The following ACADL variants were observed in gnomAD, a reference collection of about 807,000 sequenced individuals.
The protein encoded by ACADL is acyl-CoA dehydrogenase long chain.
A neutral mutation model predicts 56.9 loss-of-function variants in ACADL; 60 were observed. That is an observed-to-expected ratio of 1.05 (90% CI 0.86 to 1.31). The LOEUF is 1.31. Among genes scored for constraint, ACADL ranks in the 50% most tolerant of loss-of-function variants. ACADL has a pLI of 0.00. For synonymous variants in ACADL, 158 were observed against 179.7 expected, an observed-to-expected ratio of 0.88 and a Z score of 0.97; for missense variants, 484 against 525.5, an observed-to-expected ratio of 0.92 and a Z score of 0.77.
At chr2:210,193,796 C>G (rs1391602677) in intron 9 of ACADL, among the ~76,000 whole-genome samples, 2 of 152,060 alleles carry the variant, frequency 1.3e-5, no homozygotes, top group Non-Finnish European at 2.9e-5. Context: ...CTCAGCTTCT[C>G]AAGTAGGAGT....
chr2:210,193,702 C>T (rs756382078), intron 9 of ACADL, among the ~76,000 whole-genome samples: 1 of 151,788 alleles, frequency 6.6e-6, no homozygotes, highest in Non-Finnish European at 1.5e-5. Flanking sequence ...GAGTCTCACC[C>T]ACTCTAGGGC....
intron 8 of ACADL, among the ~76,000 whole-genome samples, chr2:210,203,012 A>T (rs761707952): frequency 1.3e-4 from 20 of 152,190 alleles, no homozygotes; most frequent in Non-Finnish European, 1.9e-4. Flanking sequence ...CTTTCCTTCC[A>T]GCTTCTGTGA....
chr2:210,194,384 A>G (rs1688677161), intron 9 of ACADL, among the ~76,000 whole-genome samples: 1 of 152,272 alleles, frequency 6.6e-6, no homozygotes, highest in Non-Finnish European at 1.5e-5. Context: ...AATGACAGGA[A>G]TTTATTCTAA....
intron 5 of ACADL, among the ~76,000 whole-genome samples, chr2:210,206,186 C>A (rs887589112): frequency 2.0e-5 from 3 of 151,966 alleles, no homozygotes; most frequent in Non-Finnish European, 4.4e-5. Context: ...ACCTGTAACC[C>A]CAGCACTTTG....
At chr2:210,224,347 GA>G in intron 1 of ACADL, 2 of 976,968 alleles carry the variant, frequency 2.0e-6, no homozygotes, top group Non-Finnish European at 2.4e-6. Context: ...ATCTCCCCAG[GA>G]AAAGTAGGCA....
At chr2:210,192,476 C>T (rs537254987) in intron 10 of ACADL, among the ~76,000 whole-genome samples, 12 of 151,814 alleles carry the variant, frequency 7.9e-5, no homozygotes, top group African/African-American at 2.2e-4. Flanking sequence ...GGTGACAGAG[C>T]GAGACTGTCT....
intron 8 of ACADL, among the ~76,000 whole-genome samples, chr2:210,198,570 TAGGAAAAGA>T (rs912114745): frequency 1.1e-4 from 16 of 151,884 alleles, no homozygotes; most frequent in African/African-American, 2.7e-4. Context: ...GTGAAGGAAA[TAGGAAAAGA>T]AAAAAGGCCC....
In ACADL at chr2:210,187,951, A is replaced by G. The variant is rs1688573273; in HGVS notation, c.*1010T>C. The G allele has an allele frequency of 6.6e-6, 1 of 152,128 alleles. No homozygotes were observed. Among genetic ancestry groups the G allele is most frequent in the Admixed American group, 6.5e-5 (1 of 15,268 alleles). 9.4% of individuals were successfully genotyped at this position (152,128 alleles called of 1,614,324 possible). A position where few individuals can be genotyped will look rare whatever the true frequency, so the allele number is the denominator to read the frequency against. ...TTTAAATTAATGGTTTATTTTTTGT[A>G]ATTACTTTTAAGTCTTAAATCAAAT... is the stretch of plus-strand genomic sequence containing the variant. On this transcript the variant is annotated 3_prime_UTR_variant, in exon 11 of 11. Transcript: ENST00000233710.
At chr2:210,210,679 C>T (rs573190398) in intron 4 of ACADL, among the ~76,000 whole-genome samples, 2 of 152,292 alleles carry the variant, frequency 1.3e-5, no homozygotes, top group South Asian at 2.1e-4. Flanking sequence ...GGCATGGTGG[C>T]TCATGCCTAT....
chr2:210,224,954 C>G (rs1433129712), intron 1 of ACADL: 5 of 1,352,356 alleles, frequency 3.7e-6, no homozygotes, highest in Non-Finnish European at 3.8e-6. Context: ...GTGGGCTCGG[C>G]GGTCTGTTCT....
chr2:210,224,950 T>C (rs777679619), intron 1 of ACADL: 23 of 1,351,064 alleles, frequency 1.7e-5, no homozygotes, highest in Admixed American at 3.9e-5. Flanking sequence ...CGACGTGGGC[T>C]CGGCGGTCTG....
intron 8 of ACADL, among the ~76,000 whole-genome samples, chr2:210,200,009 T>G (rs1688768637): frequency 6.6e-6 from 1 of 152,168 alleles, no homozygotes; most frequent in Non-Finnish European, 1.5e-5. Context: ...CCTCCCAACG[T>G]GCTGGGATTA....
chr2:210,204,280 A>G (rs561434282), intron 7 of ACADL, among the ~76,000 whole-genome samples: 133 of 152,348 alleles, frequency 8.7e-4, no homozygotes, highest in African/African-American at 3.1e-3. Context: ...ACAAAGAGCT[A>G]AAAGTTTTTG....
rs1388855314 is a variant in ACADL, at chr2:210,210,221, C to A, written c.578G>T (p.Ser193Ile). The A allele has an allele frequency of 6.2e-7, 1 of 1,612,854 alleles. No homozygotes were observed. The highest frequency in any genetic ancestry group is 2.2e-5 in the East Asian group (1 of 44,766). Residue 193 changes from serine (S) to isoleucine (I), a missense_variant, in exon 5 of 11, where the codon AGT becomes ATT. Transcript: ENST00000233710. ...CTTGCTTCCATTGAGAATCCAGTCA[C>A]TTCCATCCTTTTTAGCATTTGTTTT... ...GIKTNAKKDGSDWILNGSKVF... is the reference protein window; with the variant it reads ...GIKTNAKKDGIDWILNGSKVF...
At chr2:210,199,510 G>A (rs1039230422) in intron 8 of ACADL, among the ~76,000 whole-genome samples, 3 of 151,998 alleles carry the variant, frequency 2.0e-5, no homozygotes, top group East Asian at 1.9e-4. Context: ...TTTCCCCTAT[G>A]AGAAAACAAT....
Position 210,205,676 on chromosome 2 carries a change from A to G in ACADL, c.724T>C (p.Phe242Leu), listed in dbSNP as rs778438082. The change falls in exon 6 of 11, where the codon TTT becomes CTT. Residue 242 changes from phenylalanine to leucine, a missense_variant. Phe to Leu is a conservative substitution (Grantham distance 22). Transcript: ENST00000233710. ...LFLVENGMKG[F>L]IKGRKLHKMG... The stretch of plus-strand genomic sequence containing the variant: ...TTATGTAGCTTTCGTCCCTTGATAA[A>G]TCCTTTCATTCCATTTTCCACCAGA... The G allele has an allele frequency of 2.5e-6, 4 of 1,613,934 alleles. No individual in the cohort carries two copies. The Admixed American group carries it at 6.7e-5, about 27-fold the overall frequency.
chr2:210,218,551 C>T (rs183255813), intron 2 of ACADL: 6 of 175,162 alleles, frequency 3.4e-5, no homozygotes, highest in African/African-American at 7.2e-5. Flanking sequence ...CCTCCCAAAG[C>T]GCTAGGATTA....
At chr2:210,195,957 A>T (rs1411614259) in intron 8 of ACADL, among the ~76,000 whole-genome samples, 1 of 152,126 alleles carries the variant, frequency 6.6e-6, no homozygotes, top group Non-Finnish European at 1.5e-5. Context: ...CCTTCACATT[A>T]TCCCTTCTGA....
intron 5 of ACADL, among the ~76,000 whole-genome samples, chr2:210,206,582 A>G (rs1688891682): frequency 6.6e-6 from 1 of 152,208 alleles, no homozygotes; most frequent in Non-Finnish European, 1.5e-5. Flanking sequence ...AAAATGGTCT[A>G]AATAGGAAAC....
Sources: allele counts gnomAD v4.1 joint callset (sites outside exome capture counted in the v4.1 genomes callset), GRCh38; gene constraint gnomAD v4.1.1; transcripts MANE v1.5; gene names NCBI Gene and HGNC (gene_info 2026-07-23, HGNC 2026-07-21).